Variants in ROBO1 observed in about 807,000 individuals in gnomAD.
The protein encoded by ROBO1 is roundabout guidance receptor 1, also known as roundabout homolog 1.
In ROBO1, 149 loss-of-function variants were observed where a neutral mutation model predicts 195.9. That is an observed-to-expected ratio of 0.76 (90% CI 0.67 to 0.87). ROBO1 has a LOEUF of 0.87. ROBO1 is among the 40% of genes least tolerant of loss of function. The probability of loss-of-function intolerance (pLI) is 0.00; values close to 1 mark genes in which losing one functional copy is unlikely to be tolerated. For missense variants in ROBO1, 1,933 were observed against 2,068.3 expected, an observed-to-expected ratio of 0.93 and a Z score of 1.27; for synonymous variants, 816 against 733.2, an observed-to-expected ratio of 1.11 and a Z score of -1.82.
intron 1 of ROBO1, among the ~76,000 whole-genome samples, chr3:79,628,291 T>A (rs1313047117): frequency 1.3e-5 from 2 of 152,174 alleles, no homozygotes; most frequent in South Asian, 4.1e-4. Context: ...CACCATGGAA[T>A]ACTATGCTGC....
intron 2 of ROBO1, among the ~76,000 whole-genome samples, chr3:79,379,885 G>T (rs1415755634): frequency 6.6e-6 from 1 of 152,086 alleles, no homozygotes; most frequent in Non-Finnish European, 1.5e-5. Context: ...TCTGTAATTT[G>T]GTTTTAGCAA....
intron 1 of ROBO1, among the ~76,000 whole-genome samples, chr3:79,674,802 G>A (rs578117106): frequency 6.6e-6 from 1 of 150,638 alleles, no homozygotes; most frequent in East Asian, 2.0e-4. Flanking sequence ...CTTTGTATCT[G>A]GTAATAGATC....
chr3:79,253,256 C>T (rs908186597), intron 2 of ROBO1, among the ~76,000 whole-genome samples: 2 of 152,098 alleles, frequency 1.3e-5, no homozygotes, highest in Admixed American at 6.6e-5. Flanking sequence ...TGTATGGTAG[C>T]ACTGTCACTA....
At chr3:78,877,484 T>G (rs980129490) in intron 4 of ROBO1, among the ~76,000 whole-genome samples, 4 of 151,950 alleles carry the variant, frequency 2.6e-5, no homozygotes, top group Non-Finnish European at 5.9e-5. Context: ...TACATTGGCT[T>G]AGGCTGAATT....
intron 4 of ROBO1, among the ~76,000 whole-genome samples, chr3:78,914,633 A>C (rs1402376561): frequency 2.0e-5 from 3 of 150,432 alleles, no homozygotes; most frequent in East Asian, 1.9e-4. Flanking sequence ...TTTCTGAACA[A>C]GAGCTTTGAA....
chr3:78,789,265 G>A (rs1009159515), intron 4 of ROBO1, among the ~76,000 whole-genome samples: 2 of 152,102 alleles, frequency 1.3e-5, no homozygotes, highest in African/African-American at 4.8e-5. Context: ...AAAGATTAAA[G>A]CTAAGATATT....
chr3:79,514,297 G>A (rs567163771), intron 2 of ROBO1, among the ~76,000 whole-genome samples: 1 of 152,134 alleles, frequency 6.6e-6, no homozygotes, highest in Non-Finnish European at 1.5e-5. Context: ...AGAGATCCAC[G>A]TGGTGTGCGG....
intron 1 of ROBO1, among the ~76,000 whole-genome samples, chr3:79,627,107 T>A (rs1311226645): frequency 6.6e-6 from 1 of 152,110 alleles, no homozygotes; most frequent in African/African-American, 2.4e-5. Flanking sequence ...CTATTCCCCA[T>A]GAAACTACCA....
intron 2 of ROBO1, among the ~76,000 whole-genome samples, chr3:79,395,703 T>C (rs550808687): frequency 6.6e-6 from 1 of 152,232 alleles, no homozygotes; most frequent in East Asian, 1.9e-4. Flanking sequence ...ATACAAATTT[T>C]CCCACCTAAA....
chr3:79,490,989 G>A (rs968200255), intron 2 of ROBO1, among the ~76,000 whole-genome samples: 5 of 151,782 alleles, frequency 3.3e-5, no homozygotes, highest in African/African-American at 1.2e-4. Flanking sequence ...AGAACTGCAG[G>A]AGCCTTTAAA....
chr3:79,232,254 A>AT (rs200844111), intron 2 of ROBO1, among the ~76,000 whole-genome samples: 2,346 of 146,740 alleles, frequency 0.016, 44 homozygotes, highest in Middle Eastern at 0.021. Context: ...ATTTAAAAAA[A>AT]AAAAAAATAT....
intron 4 of ROBO1, among the ~76,000 whole-genome samples, chr3:78,910,678 T>G (rs1275010797): frequency 6.6e-6 from 1 of 151,922 alleles, no homozygotes; most frequent in Non-Finnish European, 1.5e-5. Flanking sequence ...CCCTCTCAAG[T>G]CAACTAAGCA....
intron 2 of ROBO1, among the ~76,000 whole-genome samples, chr3:79,246,379 G>T (rs2082624609): frequency 6.6e-6 from 1 of 152,102 alleles, no homozygotes; most frequent in Non-Finnish European, 1.5e-5. Context: ...AACTTGAACA[G>T]TCTTGCCCCT....
intron 4 of ROBO1, among the ~76,000 whole-genome samples, chr3:78,774,487 T>C (rs1313547035): frequency 6.6e-6 from 1 of 152,056 alleles, no homozygotes; most frequent in Non-Finnish European, 1.5e-5. Context: ...ATTTTTTGTA[T>C]TTTTAGTAGA....
chr3:78,962,154 T>C (rs565224414), intron 3 of ROBO1, among the ~76,000 whole-genome samples: 1 of 152,176 alleles, frequency 6.6e-6, no homozygotes, highest in Non-Finnish European at 1.5e-5. Context: ...GATCCTGTTC[T>C]AACTCCCATG....
intron 2 of ROBO1, among the ~76,000 whole-genome samples, chr3:79,247,016 T>C (rs919845526): frequency 3.3e-5 from 5 of 151,992 alleles, no homozygotes; most frequent in African/African-American, 9.7e-5. Flanking sequence ...CTGCCATTAT[T>C]GTCAGGCAGT....
intron 1 of ROBO1, among the ~76,000 whole-genome samples, chr3:79,766,657 C>T (rs75747671): frequency 0.011 from 1,620 of 152,212 alleles, 36 homozygotes; most frequent in African/African-American, 0.037. Context: ...CAGGGCTCGC[C>T]TGCTTCTCCC....
At chr3:78,745,018 G>A (rs952604449) in intron 5 of ROBO1, among the ~76,000 whole-genome samples, 3 of 152,042 alleles carry the variant, frequency 2.0e-5, no homozygotes, top group Non-Finnish European at 4.4e-5. Context: ...CCAGGGCTAA[G>A]AATTTTGTTG....
intron 3 of ROBO1, among the ~76,000 whole-genome samples, chr3:79,076,059 C>T (rs2079167315): frequency 6.6e-6 from 1 of 150,968 alleles, no homozygotes; most frequent in Non-Finnish European, 1.5e-5. Flanking sequence ...TCCCTTTATG[C>T]CTTAGTTTTC....
Sources: allele counts gnomAD v4.1 joint callset (sites outside exome capture counted in the v4.1 genomes callset), GRCh38; gene constraint gnomAD v4.1.1; transcripts MANE v1.5; gene names NCBI Gene and HGNC (gene_info 2026-07-23, HGNC 2026-07-21).